ERBB4: variants seen among roughly 807,000 people sequenced by gnomAD.
ERBB4 encodes receptor tyrosine-protein kinase erbB-4.
In ERBB4, 42 loss-of-function variants were observed where a neutral mutation model predicts 158.0. The observed-to-expected ratio is 0.27, with a 90% CI of 0.21 to 0.34. The LOEUF (loss-of-function observed/expected upper bound fraction) is 0.34, where lower values mean the gene tolerates loss of function less well. Ranked by LOEUF, ERBB4 falls within the 10% of genes least tolerant of loss-of-function variation. ERBB4 has a pLI of 1.00. For synonymous variants in ERBB4, 583 were observed against 558.7 expected, an observed-to-expected ratio of 1.04 and a Z score of -0.61; for missense variants, 1,333 against 1,624.1, an observed-to-expected ratio of 0.82 and a Z score of 3.08.
intron 1 of ERBB4, among the ~76,000 whole-genome samples, chr2:212,175,416 G>A (rs2081633902): frequency 6.6e-6 from 1 of 151,800 alleles, no homozygotes; most frequent in Non-Finnish European, 1.5e-5. Flanking sequence ...GTGTTTTTGT[G>A]TGATGTGAGG....
At chr2:212,024,896 T>C (rs2076738655) in intron 2 of ERBB4, among the ~76,000 whole-genome samples, 1 of 151,876 alleles carries the variant, frequency 6.6e-6, no homozygotes, top group Non-Finnish European at 1.5e-5. Context: ...GACAATTTAG[T>C]TCACATTCCA....
chr2:211,979,276 G>A (rs2081722347), intron 2 of ERBB4, among the ~76,000 whole-genome samples: 1 of 152,156 alleles, frequency 6.6e-6, no homozygotes, highest in Non-Finnish European at 1.5e-5. Flanking sequence ...TATCTAAAAT[G>A]ATTATCTTAA....
chr2:211,925,477 G>C (rs1296943998), intron 3 of ERBB4, among the ~76,000 whole-genome samples: 1 of 147,740 alleles, frequency 6.8e-6, no homozygotes, highest in African/African-American at 2.5e-5. Flanking sequence ...TGCCTTCCGG[G>C]TTCAAGCAAT....
chr2:211,502,331 A>G (rs1052076575), intron 20 of ERBB4, among the ~76,000 whole-genome samples: 3 of 152,178 alleles, frequency 2.0e-5, no homozygotes, highest in Non-Finnish European at 4.4e-5. Context: ...ATATACTCAA[A>G]TTAGGGTAAT....
At chr2:212,431,888 C>A (rs185263440) in intron 1 of ERBB4, among the ~76,000 whole-genome samples, 7 of 152,292 alleles carry the variant, frequency 4.6e-5, no homozygotes, top group Admixed American at 3.9e-4. Flanking sequence ...CTATAATCTC[C>A]CAACATTCAT....
At chr2:211,839,278 C>T (rs1484796799) in intron 3 of ERBB4, among the ~76,000 whole-genome samples, 1 of 151,540 alleles carries the variant, frequency 6.6e-6, no homozygotes, top group African/African-American at 2.4e-5. Context: ...AATTGTCACC[C>T]TTCACGCTCA....
rs183626789 is a variant in ERBB4, at chr2:212,143,319, G to A, written c.83-18416C>T. Among the ~76,000 whole-genome samples, 1,010 of 152,102 alleles carry A rather than the reference G, an allele frequency of 6.6e-3. 8 individuals carry two copies. Among genetic ancestry groups the A allele is most frequent in the Middle Eastern group, 0.024 (7 of 294 alleles). On this transcript the variant is annotated intron_variant, in intron 1 of 27. Coordinates refer to ENST00000342788, the MANE Select transcript of ERBB4 (RefSeq NM_005235.3). Reference sequence around the variant, plus strand: ...CAGTGTATTATAATATTAAATTATTGTTATAGCTATTATTATGGTTAATAA... The same window carrying A: ...CAGTGTATTATAATATTAAATTATTATTATAGCTATTATTATGGTTAATAA...
chr2:212,362,151 T>C (rs1467458575), intron 1 of ERBB4, among the ~76,000 whole-genome samples: 1 of 151,560 alleles, frequency 6.6e-6, no homozygotes, highest in Non-Finnish European at 1.5e-5. Flanking sequence ...TATAATGTTT[T>C]AAATTCAGTG....
chr2:212,007,503 G>C (rs2125297952), intron 2 of ERBB4, among the ~76,000 whole-genome samples: 1 of 151,760 alleles, frequency 6.6e-6, no homozygotes, highest in South Asian at 2.1e-4. Context: ...TTTTTATTCT[G>C]TTTTTTAATC....
At chr2:211,461,585 A>G (rs1044404573) in intron 20 of ERBB4, among the ~76,000 whole-genome samples, 3 of 152,128 alleles carry the variant, frequency 2.0e-5, no homozygotes, top group Non-Finnish European at 4.4e-5. Flanking sequence ...TAAATTGAGG[A>G]TAAAGACACA....
At chr2:211,948,128 A>G (rs1281001634) in intron 2 of ERBB4, among the ~76,000 whole-genome samples, 1 of 152,092 alleles carries the variant, frequency 6.6e-6, no homozygotes, top group Non-Finnish European at 1.5e-5. Context: ...CAAACATAAA[A>G]AACATGTATT....
chr2:211,416,982 AG>A (rs1057246627), intron 25 of ERBB4, among the ~76,000 whole-genome samples: 4 of 152,160 alleles, frequency 2.6e-5, no homozygotes, highest in African/African-American at 9.6e-5. Context: ...ACACTATTGG[AG>A]CATCTATTCC....
At chr2:211,592,408 T>C (rs1477940333) in intron 19 of ERBB4, among the ~76,000 whole-genome samples, 1 of 152,002 alleles carries the variant, frequency 6.6e-6, no homozygotes, top group Non-Finnish European at 1.5e-5. Flanking sequence ...GCTAGGTGAT[T>C]AAAGGAAAGG....
intron 4 of ERBB4, among the ~76,000 whole-genome samples, chr2:211,784,732 T>G (rs1366909975): frequency 1.3e-5 from 2 of 152,218 alleles, no homozygotes; most frequent in Admixed American, 6.5e-5. Context: ...AGGATTCCAA[T>G]TTCTTCACCT....
chr2:211,797,751 T>A (rs1460992482), intron 3 of ERBB4, among the ~76,000 whole-genome samples: 1 of 151,178 alleles, frequency 6.6e-6, no homozygotes, highest in African/African-American at 2.4e-5. Flanking sequence ...AAAGAAGGAG[T>A]CATAAAATAA....
intron 1 of ERBB4, among the ~76,000 whole-genome samples, chr2:212,223,708 T>C (rs956190905): frequency 2.0e-5 from 3 of 151,668 alleles, no homozygotes; most frequent in African/African-American, 7.2e-5. Context: ...TTTAAAAAAT[T>C]GTTATTTACT....
chr2:212,215,838 T>C (rs1310595550), intron 1 of ERBB4, among the ~76,000 whole-genome samples: 2 of 151,516 alleles, frequency 1.3e-5, no homozygotes, highest in African/African-American at 2.4e-5. Flanking sequence ...TTTTCTTAAA[T>C]TGATTTATTA....
chr2:211,517,735 C>A (rs2066075945), intron 20 of ERBB4, among the ~76,000 whole-genome samples: 1 of 152,064 alleles, frequency 6.6e-6, no homozygotes, highest in South Asian at 2.1e-4. Context: ...CCAAGACATG[C>A]ATTATAGAGA....
rs938513131 is a variant in ERBB4, at chr2:211,932,072, C to G, written c.421+15358G>C. Among the ~76,000 whole-genome samples, 11 of 152,112 alleles carry G rather than the reference C, an allele frequency of 7.2e-5. 1 individual carries two copies. The highest frequency in any genetic ancestry group is 6.5e-5 in the Admixed American group (1 of 15,272). ...CAGGTTTCAAAACTCAGGCTTTTTTCTACAACTTCATGTTGCTAGGGCTAG... is the reference window on the plus strand; with the variant it reads ...CAGGTTTCAAAACTCAGGCTTTTTTGTACAACTTCATGTTGCTAGGGCTAG... On this transcript the variant is annotated intron_variant, in intron 3 of 27. Coordinates refer to ENST00000342788, the MANE Select transcript of ERBB4 (RefSeq NM_005235.3).
Sources: allele counts gnomAD v4.1 joint callset (sites outside exome capture counted in the v4.1 genomes callset), GRCh38; gene constraint gnomAD v4.1.1; transcripts MANE v1.5; gene names NCBI Gene and HGNC (gene_info 2026-07-23, HGNC 2026-07-21).